SERPINB3: variants seen among roughly 807,000 people sequenced by gnomAD.
The protein encoded by SERPINB3 is serpin family B member 3, also known as serpin B3.
Under a neutral mutation model 33.0 loss-of-function variants are expected in SERPINB3, and 33 were observed. That is an observed-to-expected ratio of 1.00 (90% CI 0.76 to 1.34). The LOEUF (loss-of-function observed/expected upper bound fraction) is 1.34, where lower values mean the gene tolerates loss of function less well. SERPINB3 is among the 40% of genes most tolerant of loss of function. The pLI, the probability that SERPINB3 is intolerant of heterozygous loss-of-function variation, is 0.00. For synonymous variants in SERPINB3, 200 were observed against 170.9 expected, an observed-to-expected ratio of 1.17 and a Z score of -1.33; for missense variants, 518 against 461.5, an observed-to-expected ratio of 1.12 and a Z score of -1.12.
At chr18:63,660,739 C>G in intron 3 of SERPINB3, 61 bp downstream of exon 3, 1 of 1,607,964 alleles carries the variant, frequency 6.2e-7, no homozygotes, top group Non-Finnish European at 8.5e-7. Flanking sequence ...TGTGAAGTTC[C>G]AGGTTCAAAC....
chr18:63,657,481 A>G, intron 5 of SERPINB3, 69 bp from the exon 6 acceptor site: 2 of 1,340,048 alleles, frequency 1.5e-6, no homozygotes, highest in South Asian at 3.0e-5. Context: ...ATGCTTTGCA[A>G]ATGTTCGTGA....
At position 63,655,754 on chromosome 18, in the gene SERPINB3, G is replaced by A; in HGVS notation, c.1076C>T (p.Thr359Ile). 1 of 1,613,620 alleles carries A rather than the reference G, an allele frequency of 6.2e-7. No individual in the cohort carries two copies. Among genetic ancestry groups the A allele is most frequent in the Non-Finnish European group, 8.5e-7 (1 of 1,179,948 alleles). Residue 359 changes from threonine to isoleucine, a missense_variant, in exon 8 of 8, where the codon ACT becomes ATT. Thr to Ile is a moderately conservative substitution (Grantham distance 89, BLOSUM62 -1). Coordinates refer to ENST00000283752, the MANE Select transcript of SERPINB3 (RefSeq NM_006919.3). ...GTGATTACAATGGAACTCTTCATTAGTTGAAGTAGGTGATGATCCGAATCC... is the reference window on the plus strand; with the variant it reads ...GTGATTACAATGGAACTCTTCATTAATTGAAGTAGGTGATGATCCGAATCC... ...VVGFGSSPTS[T>I]NEEFHCNHPF...
At position 63,658,048 on chromosome 18, in the gene SERPINB3, C is replaced by A. The variant is rs545580047; in HGVS notation, c.469+465G>T. ...GAGAGCTGTGATAATCCCTGCAGAA[C>A]TTGTGGCTAGAGATGTGATCCAGGC... is the stretch of plus-strand genomic sequence containing the variant. On this transcript the variant is annotated intron_variant, in intron 5 of 7. Coordinates refer to ENST00000283752, the MANE Select transcript of SERPINB3 (RefSeq NM_006919.3). 7.9e-5 allele frequency among the ~76,000 whole-genome samples: 12 copies of A among 152,184 alleles called. 1 individual carries two copies. Among genetic ancestry groups the A allele is most frequent in the Admixed American group, 7.2e-4 (11 of 15,276 alleles).
Position 63,655,775 on chromosome 18 carries a change from A to T in SERPINB3, c.1055T>A (p.Phe352Tyr), listed in dbSNP as rs773929167. Residue 352 changes from phenylalanine to tyrosine, a missense_variant, in exon 8 of 8, where the codon TTC becomes TAC. Physicochemically the swap from Phe to Tyr is conservative, Grantham distance 22. Transcript: ENST00000283752. ...ATTAGTTGAAGTAGGTGATGATCCG[A>T]ATCCTACTACAGCGGTGGCAGCTGC... ...EAAAATAVVG[F>Y]GSSPTSTNEE... The T allele has an allele frequency of 1.2e-6, 2 of 1,609,658 alleles. No homozygotes were observed. The highest frequency in any genetic ancestry group is 1.7e-6 in the Non-Finnish European group (2 of 1,179,884).
At chr18:63,657,869 G>A (rs1216538688) in intron 5 of SERPINB3, among the ~76,000 whole-genome samples, 3 of 150,742 alleles carry the variant, frequency 2.0e-5, no homozygotes, top group African/African-American at 2.4e-5. Flanking sequence ...AATATGAAAC[G>A]CATGTCCTGT....
At chr18:63,657,624 A>C (rs1017101480) in intron 5 of SERPINB3, among the ~76,000 whole-genome samples, 1 of 152,126 alleles carries the variant, frequency 6.6e-6, no homozygotes, top group Non-Finnish European at 1.5e-5. Context: ...AGTTGCCCTT[A>C]ATGGAGACAT....
Position 63,656,022 on chromosome 18 carries a change from T to C in SERPINB3, c.808A>G (p.Thr270Ala), listed in dbSNP as rs1913487151. 4 of 1,613,688 alleles carry C rather than the reference T, an allele frequency of 2.5e-6. No individual in the cohort carries two copies. The highest frequency in any genetic ancestry group is 1.3e-5 in the African/African-American group (1 of 74,898). Residue 270 changes from threonine to alanine, a missense_variant, in exon 8 of 8, where the codon ACA becomes GCA. Thr to Ala is a moderately conservative substitution (Grantham distance 58). Transcript: ENST00000283752. ...GTCTCTCTCATATTCTGCAAACTTG[T>C]CCATTCCATCAATTTCTCAGCAGTG... Reference protein sequence around the residue: ...KLTAEKLMEWTSLQNMRETRV... With the variant: ...KLTAEKLMEWASLQNMRETRV...
chr18:63,658,869 G>A (rs1052000681), intron 4 of SERPINB3, among the ~76,000 whole-genome samples: 2 of 152,178 alleles, frequency 1.3e-5, no homozygotes, highest in African/African-American at 4.8e-5. Flanking sequence ...AGAAGCAGAA[G>A]AGGCTGTGGT....
chr18:63,658,705 A>G lies in SERPINB3; in HGVS notation c.352-75T>C, dbSNP rs995352702. ...TATATATTACCAAATTTAGTTATTT[A>G]TAATTATAGTAAGCTGAATCCAGAC... On this transcript the variant is annotated intron_variant, in intron 4 of 7. Coordinates refer to ENST00000283752, the MANE Select transcript of SERPINB3 (RefSeq NM_006919.3). 2,647 of 1,159,850 alleles carry G rather than the reference A, an allele frequency of 2.3e-3. 14 individuals carry two copies. Among genetic ancestry groups the G allele is most frequent in the Admixed American group, 2.9e-3 (146 of 51,160 alleles). The allele number at this position is 1,159,850 out of a possible 1,614,324, so 71.8% of individuals were successfully genotyped here. A position where few individuals can be genotyped will look rare whatever the true frequency, so the allele number is the denominator to read the frequency against.
At position 63,656,026 on chromosome 18, in the gene SERPINB3, T is replaced by C; in HGVS notation, c.804A>G (p.Glu268=). 7 of 1,613,782 alleles carry C rather than the reference T, an allele frequency of 4.3e-6. No homozygotes were observed. Among genetic ancestry groups the C allele is most frequent in the Non-Finnish European group, 5.9e-6 (7 of 1,179,816 alleles). The change falls in exon 8 of 8, where the codon GAA becomes GAG. Residue 268 remains glutamate, a synonymous_variant. Transcript: ENST00000283752. ...EEKLTAEKLM[E]WTSLQNMRET... ...CTCTCATATTCTGCAAACTTGTCCA[T>C]TCCATCAATTTCTCAGCAGTGAGTT...
At chr18:63,658,657 G>C (rs1342953776) in intron 4 of SERPINB3, 27 bp from the exon 5 acceptor site, 2 of 1,549,514 alleles carry the variant, frequency 1.3e-6, no homozygotes, top group Admixed American at 1.7e-5. Flanking sequence ...AAGAAAGTAG[G>C]AAGTAAGAGT....
rs1336851021 is a variant in SERPINB3, at chr18:63,660,793, G to C, written c.222+7C>G. On this transcript the variant is annotated splice_region_variant and intron_variant, in intron 3 of 7. Coordinates refer to ENST00000283752, the MANE Select transcript of SERPINB3 (RefSeq NM_006919.3). ...CTAAAGCTGAACCATAGTGCTCTGT[G>C]ACTCACATGATATGTTGCAGCTTTT... is the stretch of plus-strand genomic sequence containing the variant. 3 of 1,613,254 alleles carry C rather than the reference G, an allele frequency of 1.9e-6. No individual in the cohort carries two copies. The highest frequency in any genetic ancestry group is 2.5e-6 in the Non-Finnish European group (3 of 1,179,536).
At chr18:63,657,452 C>T in intron 5 of SERPINB3, 40 bp from the exon 6 acceptor site, 1 of 1,504,076 alleles carries the variant, frequency 6.6e-7, no homozygotes, top group Non-Finnish European at 9.0e-7. Context: ...ACACAAGCTA[C>T]AAATGGCTTG....
chr18:63,657,196 G>C, intron 6 of SERPINB3, 74 bp downstream of exon 6: 1 of 930,962 alleles, frequency 1.1e-6, no homozygotes, highest in East Asian at 2.8e-5. Context: ...TTTTTTACTT[G>C]TCATGGTACA....
intron 3 of SERPINB3, among the ~76,000 whole-genome samples, 156 bp from the exon 4 acceptor site, chr18:63,659,683 C>A (rs1017773512): frequency 2.6e-5 from 4 of 152,132 alleles, no homozygotes; most frequent in African/African-American, 7.2e-5. Context: ...CTCAAATACC[C>A]TTCAAAATCC....
In SERPINB3 at chr18:63,655,466, A is replaced by C; in HGVS notation, c.*191T>G. ...TTTTTCTGGAAGAAAAAGTACATTT[A>C]TATGTGGGCTTATTAAGAGAAAGAG... On this transcript the variant is annotated 3_prime_UTR_variant, in exon 8 of 8. Coordinates refer to ENST00000283752, the MANE Select transcript of SERPINB3 (RefSeq NM_006919.3). 1 of 597,168 alleles carries C rather than the reference A, an allele frequency of 1.7e-6. No homozygotes were observed. Among genetic ancestry groups the C allele is most frequent in the Non-Finnish European group, 2.8e-6 (1 of 363,418 alleles). The allele number at this position is 597,168 out of a possible 1,614,324, so 37.0% of individuals were successfully genotyped here.
Position 63,661,139 on chromosome 18 carries a change from G to T in SERPINB3, c.78C>A (p.Asn26Lys). ...FQQFRKSKEN[N>K]IFYSPISITS... Reference sequence around the variant, plus strand: ...TGATGCTGATAGGGGAATAGAAGATGTTGTTCTCTTTTGATTTTCTGAACT... The same window carrying T: ...TGATGCTGATAGGGGAATAGAAGATTTTGTTCTCTTTTGATTTTCTGAACT... Residue 26 changes from asparagine (N) to lysine (K), a missense_variant, in exon 2 of 8, where the codon AAC (asparagine) becomes AAA (lysine). Coordinates refer to ENST00000283752, the MANE Select transcript of SERPINB3 (RefSeq NM_006919.3). 1.2e-6 allele frequency: 2 copies of T among 1,613,664 alleles called. No homozygotes were observed. The highest frequency in any genetic ancestry group is 1.7e-6 in the Non-Finnish European group (2 of 1,179,676).
At chr18:63,658,765 T>C in intron 4 of SERPINB3, 135 bp from the exon 5 acceptor site, 1 of 686,050 alleles carries the variant, frequency 1.5e-6, no homozygotes. Context: ...TCCATGCATA[T>C]TTTTATACTG....
In SERPINB3 at chr18:63,658,503, G is replaced by C; in HGVS notation, c.469+10C>G. 6.2e-7 allele frequency: 1 copy of C among 1,602,276 alleles called. No individual in the cohort carries two copies. The highest frequency in any genetic ancestry group is 8.5e-7 in the Non-Finnish European group (1 of 1,170,508). Reference sequence around the variant, plus strand: ...CTCAAAGGTGTTTCTATAATGGGTGGCTCTCCTACCATTCGTTTGACTTTC... The same window carrying C: ...CTCAAAGGTGTTTCTATAATGGGTGCCTCTCCTACCATTCGTTTGACTTTC... On this transcript the variant is annotated intron_variant, in intron 5 of 7. Transcript: ENST00000283752.
Sources: gnomAD v4.1 joint callset for allele counts (sites outside exome capture counted in the v4.1 genomes callset) on GRCh38, gnomAD v4.1.1 for gene constraint, MANE v1.5 for transcripts, NCBI Gene and HGNC (gene_info 2026-07-23, HGNC 2026-07-21) for gene names.